Variants in SEMA3B observed in about 807,000 individuals in gnomAD.
SEMA3B encodes semaphorin 3B, also known as semaphorin-3B.
In SEMA3B, 71 loss-of-function variants were observed where a neutral mutation model predicts 77.8. The observed-to-expected ratio is 0.91, with a 90% confidence interval of 0.75 to 1.11. The LOEUF is 1.11. SEMA3B is among the 50% of genes most tolerant of loss of function. SEMA3B has a pLI of 0.00. For missense variants in SEMA3B, 968 were observed against 1,056.8 expected, an observed-to-expected ratio of 0.92 and a Z score of 1.17; for synonymous variants, 470 against 452.9, an observed-to-expected ratio of 1.04 and a Z score of -0.48.
intron 6 of SEMA3B, among the ~76,000 whole-genome samples, chr3:50,272,657 A>G (rs2109241394): frequency 6.6e-6 from 1 of 151,054 alleles, no homozygotes; most frequent in South Asian, 2.1e-4. Flanking sequence ...GTTGCAGTGA[A>G]TGGAGACTGT....
At chr3:50,271,593 C>G (rs1701056335) in intron 6 of SEMA3B, 113 bp downstream of exon 6, 8 of 1,446,354 alleles carry the variant, frequency 5.5e-6, no homozygotes, top group Non-Finnish European at 7.4e-6. Flanking sequence ...TTACCAAATA[C>G]CCTCCTTAAT....
chr3:50,271,579 G>C, intron 6 of SEMA3B, 99 bp downstream of exon 6: 1 of 1,500,868 alleles, frequency 6.7e-7, no homozygotes, highest in Non-Finnish European at 9.0e-7. Context: ...GGTGTGGCCA[G>C]GTCTTACCAA....
chr3:50,264,861 G>T (rs587658771), upstream of SEMA3B, among the ~76,000 whole-genome samples: 2 of 152,290 alleles, frequency 1.3e-5, no homozygotes, highest in Admixed American at 6.5e-5. Flanking sequence ...TGGCTGGTTG[G>T]GGGGGCTCCC....
At chr3:50,266,135 G>T (rs1553704467), upstream of SEMA3B, among the ~76,000 whole-genome samples, 2 of 152,278 alleles carry the variant, frequency 1.3e-5, no homozygotes, top group Middle Eastern at 3.4e-3. Context: ...GGCAGTGAGG[G>T]CCTATGGGGG....
chr3:50,276,505 G>A lies in SEMA3B; in HGVS notation c.2049G>A (p.Pro683=). The A allele has an allele frequency of 6.5e-7, 1 of 1,532,116 alleles. No homozygotes were observed. The highest frequency in any genetic ancestry group is 2.5e-5 in the East Asian group (1 of 40,566). The allele number at this position is 1,532,116 out of a possible 1,614,324, so 94.9% of individuals were successfully genotyped here. A position where few individuals can be genotyped will look rare whatever the true frequency, so the allele number is the denominator to read the frequency against. The change falls in exon 17 of 17, where the codon CCG becomes CCA. Residue 683 remains proline, a synonymous_variant. Coordinates refer to ENST00000616701, the MANE Select transcript of SEMA3B (RefSeq NM_001290060.2). This position sits in a 1 kb window ranked among gnomAD's most constrained non-coding sequence, Gnocchi z 5.8. ...RAEEAAPAAP[P]GPKLWYRDFL... ...AGGAGGCTGCGCCCGCCGCGCCGCC[G>A]GGCCCCAAACTCTGGTACCGGGACT... is the stretch of plus-strand genomic sequence containing the variant.
In SEMA3B at chr3:50,276,131, T is replaced by A; in HGVS notation, c.1846-171T>A. 1 of 952,266 alleles carries A rather than the reference T, an allele frequency of 1.1e-6. No individual in the cohort carries two copies. The highest frequency in any genetic ancestry group is 1.5e-6 in the Non-Finnish European group (1 of 677,238). The allele number at this position is 952,266 out of a possible 1,614,324, so 59.0% of individuals were successfully genotyped here. On this transcript the variant is annotated intron_variant, in intron 16 of 16. Coordinates refer to ENST00000616701, the MANE Select transcript of SEMA3B (RefSeq NM_001290060.2). This position sits in a 1 kb window ranked among gnomAD's most constrained non-coding sequence, Gnocchi z 5.8. Reference sequence around the variant, plus strand: ...AACCCCGCCTCTTTCGGATTCTCCCTTGAAGACCACCAGCTCCCAAACACT... The same window carrying A: ...AACCCCGCCTCTTTCGGATTCTCCCATGAAGACCACCAGCTCCCAAACACT...
At position 50,270,723 on chromosome 3, in the gene SEMA3B, C is replaced by A; in HGVS notation, c.331-167C>A. The A allele has an allele frequency of 8.0e-7, 1 of 1,252,708 alleles. No homozygotes were observed. Among genetic ancestry groups the A allele is most frequent in the Non-Finnish European group, 1.1e-6 (1 of 915,148 alleles). 77.6% of individuals were successfully genotyped at this position (1,252,708 alleles called of 1,614,324 possible). ...GCCTGTGCTTCCCCAGACACCCACC[C>A]TCGTGAGGCCTGGGCTGGTCAGCAA... On this transcript the variant is annotated intron_variant, in intron 3 of 16. Transcript: ENST00000616701. The surrounding 1 kb of genome is among the most constrained non-coding windows in gnomAD (Gnocchi z 4.7).
chr3:50,274,059 T>C lies in SEMA3B; in HGVS notation c.1137+2T>C. 1 of 1,612,918 alleles carries C rather than the reference T, an allele frequency of 6.2e-7. No homozygotes were observed. The highest frequency in any genetic ancestry group is 8.5e-7 in the Non-Finnish European group (1 of 1,179,584). Reference sequence around the variant, plus strand: ...GTCCCCTACCCGCGGCCAGGCATGGTTCGTAGCCCAGGGACTTCTGCTACA... The same window carrying C: ...GTCCCCTACCCGCGGCCAGGCATGGCTCGTAGCCCAGGGACTTCTGCTACA... On this transcript the variant is annotated splice_donor_variant, in intron 10 of 16. Coordinates refer to ENST00000616701, the MANE Select transcript of SEMA3B (RefSeq NM_001290060.2). LOFTEE classifies it high-confidence loss of function. The surrounding 1 kb of genome is among the most constrained non-coding windows in gnomAD (Gnocchi z 4.7).
chr3:50,274,033 C>T lies in SEMA3B; in HGVS notation c.1113C>T (p.Arg371=), dbSNP rs782392725. The T allele has an allele frequency of 3.1e-6, 5 of 1,613,462 alleles. No homozygotes were observed. The highest frequency in any genetic ancestry group is 4.2e-6 in the Non-Finnish European group (5 of 1,179,726). ...PMHQWVSYQG[R]VPYPRPGMCP... ...ACCAGTGGGTGTCATACCAGGGTCG[C>T]GTCCCCTACCCGCGGCCAGGCATGG... The change falls in exon 10 of 17, where the codon CGC becomes CGT. Residue 371 remains arginine (R), a synonymous_variant. Transcript: ENST00000616701. This position sits in a 1 kb window ranked among gnomAD's most constrained non-coding sequence, Gnocchi z 4.7.
At position 50,276,241 on chromosome 3, in the gene SEMA3B, AG is replaced by A. The variant is rs1553706659; in HGVS notation, c.1846-58del. The A allele has an allele frequency of 3.5e-6, 5 of 1,427,336 alleles. No homozygotes were observed. Among genetic ancestry groups the A allele is most frequent in the Admixed American group, 2.8e-5 (1 of 35,316 alleles). The allele number at this position is 1,427,336 out of a possible 1,614,324, so 88.4% of individuals were successfully genotyped here. A position where few individuals can be genotyped will look rare whatever the true frequency, so the allele number is the denominator to read the frequency against. On this transcript the variant is annotated intron_variant, in intron 16 of 16. Coordinates refer to ENST00000616701, the MANE Select transcript of SEMA3B (RefSeq NM_001290060.2). The surrounding 1 kb of genome is among the most constrained non-coding windows in gnomAD (Gnocchi z 5.8). Reference sequence around the variant, plus strand: ...CTCTTTGCTTCTTCCGTCGCGTGCTAGGGCCCGGAAGCCCTGTTCCCGGCCC... The same window carrying A: ...CTCTTTGCTTCTTCCGTCGCGTGCTAGGCCCGGAAGCCCTGTTCCCGGCCC...
intron 5 of SEMA3B, 59 bp downstream of exon 5, chr3:50,271,240 G>C: frequency 6.5e-7 from 1 of 1,547,580 alleles, no homozygotes; most frequent in East Asian, 2.4e-5. Context: ...ACCTCACAAA[G>C]TCCCAAGACC....
Position 50,270,493 on chromosome 3 carries a change from G to T in SEMA3B, c.328G>T (p.Gly110Cys). The T allele has an allele frequency of 6.2e-7, 1 of 1,613,548 alleles. No homozygotes were observed. The highest frequency in any genetic ancestry group is 8.5e-7 in the Non-Finnish European group (1 of 1,179,856). Residue 110 changes from glycine to cysteine, a missense_variant and splice_region_variant, in exon 3 of 17, where the codon GGT (glycine) becomes TGT (cysteine). Physicochemically the swap from Gly to Cys is radical, Grantham distance 159. Transcript: ENST00000616701. The surrounding 1 kb of genome is among the most constrained non-coding windows in gnomAD (Gnocchi z 4.7). Reference protein sequence around the residue: ...EECNWAGKDIGTECMNFVKLL... With the variant: ...EECNWAGKDICTECMNFVKLL... ...GTGCAACTGGGCAGGGAAGGACATT[G>T]GTGTGAGTGCCAGCTGCCCGGGCCG... is the stretch of plus-strand genomic sequence containing the variant.
rs1236293526 is a variant in SEMA3B, at chr3:50,276,696, C to T, written c.2240C>T (p.Thr747Met). The T allele has an allele frequency of 3.3e-6, 5 of 1,530,662 alleles. No individual in the cohort carries two copies. The East Asian group carries it at 9.5e-5, about 29-fold the overall frequency. 94.8% of individuals were successfully genotyped at this position (1,530,662 alleles called of 1,614,324 possible). A position where few individuals can be genotyped will look rare whatever the true frequency, so the allele number is the denominator to read the frequency against. The change falls in exon 17 of 17, where the codon ACG becomes ATG. Residue 747 changes from threonine to methionine, a missense_variant. Thr to Met is a moderately conservative substitution (Grantham distance 81). Transcript: ENST00000616701. The surrounding 1 kb of genome is among the most constrained non-coding windows in gnomAD (Gnocchi z 5.8). ...GCTGAGCGGGGGCCGCGCAGCGCAA[C>T]GCACTGGTGACCAGACTGTCCCCAC... is the stretch of plus-strand genomic sequence containing the variant. ...PRAERGPRSATHW is the reference protein window; with the variant it reads ...PRAERGPRSAMHW
chr3:50,263,900 G>A (rs145154868), upstream of SEMA3B, among the ~76,000 whole-genome samples: 1 of 151,952 alleles, frequency 6.6e-6, no homozygotes, highest in Non-Finnish European at 1.5e-5. Context: ...GGTTGAGGAA[G>A]TAATTGTACT....
chr3:50,276,215 A>T lies in SEMA3B; in HGVS notation c.1846-87A>T, dbSNP rs1701238420. ...TCCCGCTCCACCTCGGCTCCCAATG[A>T]CTCTTTGCTTCTTCCGTCGCGTGCT... On this transcript the variant is annotated intron_variant, in intron 16 of 16. Coordinates refer to ENST00000616701, the MANE Select transcript of SEMA3B (RefSeq NM_001290060.2). The surrounding 1 kb of genome is among the most constrained non-coding windows in gnomAD (Gnocchi z 5.8). 1 of 1,409,618 alleles carries T rather than the reference A, an allele frequency of 7.1e-7. No individual in the cohort carries two copies. The highest frequency in any genetic ancestry group is 1.5e-5 in the African/African-American group (1 of 66,944). 87.3% of individuals were successfully genotyped at this position (1,409,618 alleles called of 1,614,324 possible). A position where few individuals can be genotyped will look rare whatever the true frequency, so the allele number is the denominator to read the frequency against.
rs1701144602 is a variant in SEMA3B, at chr3:50,274,203, C to T, written c.1137+146C>T. 12 of 1,362,572 alleles carry T rather than the reference C, an allele frequency of 8.8e-6. No homozygotes were observed. Among genetic ancestry groups the T allele is most frequent in the Middle Eastern group, 5.3e-4 (2 of 3,808 alleles). 84.4% of individuals were successfully genotyped at this position (1,362,572 alleles called of 1,614,324 possible). ...CCATCATAAGACAAGGCTTGTTTCC[C>T]GCCTCTGACTTCCTAGGGCAAGGCT... is the stretch of plus-strand genomic sequence containing the variant. On this transcript the variant is annotated intron_variant, in intron 10 of 16. Transcript: ENST00000616701. The surrounding 1 kb of genome is among the most constrained non-coding windows in gnomAD (Gnocchi z 4.7).
chr3:50,274,406 T>G lies in SEMA3B; in HGVS notation c.1181T>G (p.Phe394Cys). The change falls in exon 11 of 17, where the codon TTC (phenylalanine) becomes TGC (cysteine). Residue 394 changes from phenylalanine (F) to cysteine (C), a missense_variant. Physicochemically the swap from Phe to Cys is radical, Grantham distance 205. Transcript: ENST00000616701. The surrounding 1 kb of genome is among the most constrained non-coding windows in gnomAD (Gnocchi z 4.7). ...GGCACCTTCAGTTCCACCAAGGACT[T>G]CCCAGACGATGTCATCCAGTTTGCG... Reference protein sequence around the residue: ...TFGTFSSTKDFPDDVIQFARN... With the variant: ...TFGTFSSTKDCPDDVIQFARN... 1.3e-6 allele frequency: 2 copies of G among 1,505,100 alleles called. No homozygotes were observed. The highest frequency in any genetic ancestry group is 1.8e-6 in the Non-Finnish European group (2 of 1,127,860). 93.2% of individuals were successfully genotyped at this position (1,505,100 alleles called of 1,614,324 possible). A position where few individuals can be genotyped will look rare whatever the true frequency, so the allele number is the denominator to read the frequency against.
Position 50,270,802 on chromosome 3 carries a change from G to A in SEMA3B, c.331-88G>A, listed in dbSNP as rs937036236. 1.3e-6 allele frequency: 2 copies of A among 1,532,484 alleles called. No individual in the cohort carries two copies. Among genetic ancestry groups the A allele is most frequent in the Admixed American group, 4.0e-5 (2 of 50,374 alleles). The allele number at this position is 1,532,484 out of a possible 1,614,324, so 94.9% of individuals were successfully genotyped here. A position where few individuals can be genotyped will look rare whatever the true frequency, so the allele number is the denominator to read the frequency against. On this transcript the variant is annotated intron_variant, in intron 3 of 16. Coordinates refer to ENST00000616701, the MANE Select transcript of SEMA3B (RefSeq NM_001290060.2). The surrounding 1 kb of genome is among the most constrained non-coding windows in gnomAD (Gnocchi z 4.7). Reference sequence around the variant, plus strand: ...AGTACTTGCCTGGGCTGATGCCGAAGAGAGGGAGGGGTGAGGATGCCACTG... The same window carrying A: ...AGTACTTGCCTGGGCTGATGCCGAAAAGAGGGAGGGGTGAGGATGCCACTG...
chr3:50,270,566 A>T lies in SEMA3B; in HGVS notation c.330+71A>T. 6.3e-7 allele frequency: 1 copy of T among 1,591,450 alleles called. No homozygotes were observed. Among genetic ancestry groups the T allele is most frequent in the Non-Finnish European group, 8.6e-7 (1 of 1,163,656 alleles). On this transcript the variant is annotated intron_variant, in intron 3 of 16. Coordinates refer to ENST00000616701, the MANE Select transcript of SEMA3B (RefSeq NM_001290060.2). The surrounding 1 kb of genome is among the most constrained non-coding windows in gnomAD (Gnocchi z 4.7). ...CACCCCAGAGACAGGGCAGGGCTAAAACAGAGGCCTGCCTGTTCTGGCTGG... is the reference window on the plus strand; with the variant it reads ...CACCCCAGAGACAGGGCAGGGCTAATACAGAGGCCTGCCTGTTCTGGCTGG...
Sources: allele counts gnomAD v4.1 joint callset (sites outside exome capture counted in the v4.1 genomes callset), GRCh38; gene constraint gnomAD v4.1.1; non-coding constraint Gnocchi (gnomAD v3.1); transcripts MANE v1.5; gene names NCBI Gene and HGNC (gene_info 2026-07-23, HGNC 2026-07-21).